Variants in UBR3 observed in about 807,000 individuals in gnomAD.
UBR3 encodes the protein ubiquitin protein ligase E3 component n-recognin 3.
Under a neutral mutation model 243.2 loss-of-function variants are expected in UBR3, and 85 were observed. The ratio of observed to expected loss-of-function variants is 0.35; its 90% CI spans 0.29 to 0.42. UBR3 has a LOEUF of 0.42. UBR3 is among the 10% of genes least tolerant of loss of function. The probability of loss-of-function intolerance (pLI) is 1.00; values close to 1 mark genes in which losing one functional copy is unlikely to be tolerated. For missense variants in UBR3, 1,686 were observed against 2,300.8 expected (o/e 0.73, Z 5.47); for synonymous variants, 748 against 799.8 (o/e 0.94, Z 1.09).
intron 30 of UBR3, among the ~76,000 whole-genome samples, chr2:170,015,804 TTTTA>T (rs1183054942): frequency 1.3e-5 from 2 of 151,916 alleles, no homozygotes; most frequent in African/African-American, 4.8e-5. Context: ...GCACGTTTGC[TTTTA>T]TTTATATATA....
At chr2:169,890,567 G>GTA (rs1314543784) in intron 5 of UBR3, among the ~76,000 whole-genome samples, 11 of 59,530 alleles carry the variant, frequency 1.8e-4, no homozygotes, top group African/African-American at 6.2e-4. Context: ...ATATATATGT[G>GTA]TATATATATA....
chr2:169,959,032 A>G (rs1231715567), intron 24 of UBR3, among the ~76,000 whole-genome samples: 1 of 152,188 alleles, frequency 6.6e-6, no homozygotes, highest in Non-Finnish European at 1.5e-5. Context: ...GGAGAAATAG[A>G]TTAAATCTCA....
At chr2:169,890,540 G>GAGAGAGAGAGAGAGATAGATATATAT (rs1553504401) in intron 5 of UBR3, among the ~76,000 whole-genome samples, 1 of 76,020 alleles carries the variant, frequency 1.3e-5, no homozygotes, top group African/African-American at 6.4e-5. Flanking sequence ...GAGAGAGAGA[G>GAGAGAGAGAGAGAGATAGATATATAT]ATATATATAT....
chr2:169,934,601 G>A (rs2105351533), intron 19 of UBR3, among the ~76,000 whole-genome samples: 1 of 152,272 alleles, frequency 6.6e-6, no homozygotes, highest in South Asian at 2.1e-4. Flanking sequence ...TGGCTTAACT[G>A]ATTATACTGG....
At chr2:169,872,901 A>G (rs2083477974) in intron 2 of UBR3, among the ~76,000 whole-genome samples, 1 of 152,104 alleles carries the variant, frequency 6.6e-6, no homozygotes, top group Non-Finnish European at 1.5e-5. Context: ...AAAAGAGAAA[A>G]TTACAGATGT....
chr2:170,020,010 G>A (rs1438277132), intron 30 of UBR3, among the ~76,000 whole-genome samples: 12 of 152,012 alleles, frequency 7.9e-5, no homozygotes, highest in Admixed American at 4.6e-4. Context: ...CAAGTTTTTG[G>A]CATCAAGCAA....
chr2:169,920,025 G>T (rs1470415313), intron 11 of UBR3, among the ~76,000 whole-genome samples: 2 of 152,118 alleles, frequency 1.3e-5, no homozygotes, highest in African/African-American at 4.8e-5. Context: ...GTTTATAGCG[G>T]CACTATTCAC....
intron 19 of UBR3, among the ~76,000 whole-genome samples, chr2:169,935,763 C>T (rs2086303036): frequency 6.6e-6 from 1 of 152,008 alleles, no homozygotes; most frequent in African/African-American, 2.4e-5. Flanking sequence ...TGTAGCATTT[C>T]ATTTGCATTA....
intron 27 of UBR3, among the ~76,000 whole-genome samples, chr2:170,003,491 A>G (rs1359485503): frequency 2.0e-5 from 3 of 152,076 alleles, no homozygotes; most frequent in Admixed American, 1.3e-4. Context: ...TTTATTCAGT[A>G]TCTACAGTGT....
At chr2:169,980,683 C>T (rs941993437) in intron 24 of UBR3, among the ~76,000 whole-genome samples, 9 of 151,202 alleles carry the variant, frequency 6.0e-5, no homozygotes, top group East Asian at 1.9e-4. Flanking sequence ...TAGTTACATA[C>T]GAATACATGT....
intron 32 of UBR3, among the ~76,000 whole-genome samples, chr2:170,046,221 T>G (rs759546117): frequency 6.6e-6 from 1 of 152,156 alleles, no homozygotes; most frequent in Non-Finnish European, 1.5e-5. Context: ...TGCCTCGGCC[T>G]CCTAAACTGC....
At chr2:170,012,151 G>T (rs1047371231) in intron 29 of UBR3, among the ~76,000 whole-genome samples, 4 of 151,888 alleles carry the variant, frequency 2.6e-5, no homozygotes, top group Non-Finnish European at 5.9e-5. Context: ...AAAATAAAAG[G>T]GACGCTTGCT....
chr2:170,014,084 G>GC (rs2090162648), intron 29 of UBR3: 3 of 330,426 alleles, frequency 9.1e-6, no homozygotes, highest in Non-Finnish European at 1.9e-5. Flanking sequence ...GAGCTGGAAC[G>GC]TTATCGGTGT....
At chr2:170,023,377 G>A (rs1266311523) in intron 30 of UBR3, among the ~76,000 whole-genome samples, 4 of 151,710 alleles carry the variant, frequency 2.6e-5, no homozygotes. Flanking sequence ...CATTTTAACA[G>A]TGGTACGATT....
chr2:169,995,787 C>T (rs1173268076), intron 26 of UBR3, among the ~76,000 whole-genome samples: 1 of 152,130 alleles, frequency 6.6e-6, no homozygotes, highest in African/African-American at 2.4e-5. Context: ...CTCTGACACT[C>T]AGAAGTATCT....
chr2:170,050,087 A>G (rs184286127), intron 32 of UBR3, among the ~76,000 whole-genome samples: 37 of 152,270 alleles, frequency 2.4e-4, no homozygotes, highest in African/African-American at 1.2e-4. Flanking sequence ...TTACTACCCT[A>G]TTAGTTGTTA....
At chr2:169,907,246 C>T (rs917673254) in intron 10 of UBR3, among the ~76,000 whole-genome samples, 4 of 151,564 alleles carry the variant, frequency 2.6e-5, no homozygotes, top group South Asian at 2.1e-4. Context: ...CATGTTGTCC[C>T]GGTTCAAATT....
intron 1 of UBR3, among the ~76,000 whole-genome samples, chr2:169,847,699 A>G (rs1425708159): frequency 3.9e-5 from 6 of 152,130 alleles, no homozygotes; most frequent in Non-Finnish European, 8.8e-5. Flanking sequence ...ATTCTCCACT[A>G]CTGAGGAAAG....
At chr2:169,970,340 T>C (rs12329235) in intron 24 of UBR3, among the ~76,000 whole-genome samples, 1 of 150,132 alleles carries the variant, frequency 6.7e-6, no homozygotes, top group African/African-American at 2.4e-5. Context: ...TTTTTTATTA[T>C]ACTTTAAGTT....
Sources: allele counts gnomAD v4.1 joint callset (sites outside exome capture counted in the v4.1 genomes callset), GRCh38; gene constraint gnomAD v4.1.1; transcripts MANE v1.5; gene names NCBI Gene and HGNC (gene_info 2026-07-23, HGNC 2026-07-21).